DIAPH2: variants seen among roughly 807,000 people sequenced by gnomAD.
DIAPH2 encodes the protein diaphanous related formin 2, also known as protein diaphanous homolog 2.
In DIAPH2, 35 loss-of-function variants were observed where a neutral mutation model predicts 92.7. That is an observed-to-expected ratio of 0.38 (90% CI 0.29 to 0.50). The LOEUF is 0.50. Ranked by LOEUF, DIAPH2 falls within the 20% of genes least tolerant of loss-of-function variation. The pLI is 0.94. For synonymous variants in DIAPH2, 301 were observed against 280.4 expected (o/e 1.07, Z -0.73); for missense variants, 701 against 819.5 (o/e 0.86, Z 1.77).
chrX:97,378,938 TACCA>T lies in DIAPH2; in HGVS notation c.3010-4969_3010-4966del, dbSNP rs200300164. On this transcript the variant is annotated intron_variant, in intron 24 of 26. Transcript: ENST00000324765. ...CACAGTATTCCTCTGGCACCAGAGTTACCAATTTGTTCACCATGACATTTCTAAT... is the reference window on the plus strand; with the variant it reads ...CACAGTATTCCTCTGGCACCAGAGTTATTTGTTCACCATGACATTTCTAAT... Among the ~76,000 whole-genome samples the T allele has an allele frequency of 7.4e-3, 824 of 111,857 alleles. 8 individuals are homozygous for T. Among genetic ancestry groups the T allele is most frequent in the African/African-American group, 0.025 (771 of 30,810 alleles).
chrX:97,115,020 A>T, intron 21 of DIAPH2, 55 bp downstream of exon 21: 1 of 1,058,032 alleles, frequency 9.5e-7, no homozygotes, highest in Non-Finnish European at 1.3e-6. Context: ...TGTCTATGAA[A>T]GGTGATACTG....
At chrX:97,202,511 T>TAAAAAAG (rs2067760812) in intron 22 of DIAPH2, among the ~76,000 whole-genome samples, 1 of 110,745 alleles carries the variant, frequency 9.0e-6, no homozygotes, top group Non-Finnish European at 1.9e-5. Context: ...AAATAAAAAA[T>TAAAAAAG]AAATAGCAGG....
chrX:97,538,687 G>A (rs754010933), intron 26 of DIAPH2, among the ~76,000 whole-genome samples: 4 of 112,289 alleles, frequency 3.6e-5, no homozygotes, highest in Non-Finnish European at 1.9e-5. Flanking sequence ...AATTAAAGAA[G>A]TTGCTAATCA....
At chrX:96,933,362 C>G (rs1300073902) in intron 10 of DIAPH2, among the ~76,000 whole-genome samples, 1 of 106,155 alleles carries the variant, frequency 9.4e-6, no homozygotes, top group Non-Finnish European at 1.9e-5. Flanking sequence ...CAGGGTCTTG[C>G]TCTGTCACTC....
intron 15 of DIAPH2, among the ~76,000 whole-genome samples, chrX:96,952,089 ATTAC>A (rs1569433844): frequency 8.9e-6 from 1 of 111,811 alleles, no homozygotes; most frequent in African/African-American, 3.2e-5. Context: ...TTTTGCCACA[ATTAC>A]TTTTATCTCA....
At chrX:97,117,079 G>A (rs975965689) in intron 21 of DIAPH2, among the ~76,000 whole-genome samples, 13 of 111,572 alleles carry the variant, frequency 1.2e-4, no homozygotes, top group Admixed American at 3.8e-4. Context: ...AAAAGTGAAA[G>A]AAGTGAAGGT....
chrX:97,396,639 A>T (rs371493517), intron 25 of DIAPH2, among the ~76,000 whole-genome samples: 3 of 111,873 alleles, frequency 2.7e-5, no homozygotes, highest in African/African-American at 9.7e-5. Context: ...CTGTCTAAAA[A>T]AAATAAATAA....
chrX:96,798,300 C>CT (rs1015887336), intron 4 of DIAPH2, among the ~76,000 whole-genome samples: 1 of 111,040 alleles, frequency 9.0e-6, no homozygotes, highest in Non-Finnish European at 1.9e-5. Flanking sequence ...TTTTTTTAGC[C>CT]TTTTTTTCCC....
intron 26 of DIAPH2, among the ~76,000 whole-genome samples, chrX:97,463,273 CCTT>C (rs2070475606): frequency 1.4e-5 from 1 of 71,495 alleles, no homozygotes; most frequent in African/African-American, 4.0e-5. Context: ...TTATCTGAAT[CCTT>C]TTTTTTTTTT....
intron 9 of DIAPH2, among the ~76,000 whole-genome samples, chrX:96,922,069 AATTG>A (rs929639745): frequency 1.8e-5 from 2 of 111,267 alleles, no homozygotes; most frequent in African/African-American, 6.5e-5. Context: ...ACCTCGCAGC[AATTG>A]ATTGAGAGAG....
intron 26 of DIAPH2, among the ~76,000 whole-genome samples, chrX:97,584,021 C>A (rs1172566110): frequency 8.9e-6 from 1 of 112,688 alleles, no homozygotes; most frequent in Non-Finnish European, 1.9e-5. Flanking sequence ...AATGCCTCGC[C>A]CTGCTTTGGC....
intron 17 of DIAPH2, among the ~76,000 whole-genome samples, chrX:96,980,084 A>T (rs112422905): frequency 9.0e-6 from 1 of 111,450 alleles, no homozygotes; most frequent in Non-Finnish European, 1.9e-5. Context: ...GCTTATAGCC[A>T]TCTGCAGATG....
intron 22 of DIAPH2, among the ~76,000 whole-genome samples, chrX:97,161,981 C>T (rs937920043): frequency 1.4e-4 from 16 of 111,233 alleles, no homozygotes; most frequent in African/African-American, 4.9e-4. Flanking sequence ...TTCTGTCCTC[C>T]GAAGTTTAAC....
At position 96,980,440 on chromosome X, in the gene DIAPH2, C is replaced by T. The variant is rs182263695; in HGVS notation, c.2050+15233C>T. On this transcript the variant is annotated intron_variant, in intron 17 of 26. Coordinates refer to ENST00000324765, the MANE Select transcript of DIAPH2 (RefSeq NM_006729.5). ...TTCTTCTCATCTCCCTTTCTCTGCT[C>T]TCAGCCAGTGGAACCTAGGGTTTTT... is the stretch of plus-strand genomic sequence containing the variant. Among the ~76,000 whole-genome samples, 86 of 110,963 alleles carry T rather than the reference C, an allele frequency of 7.8e-4. 1 individual carries two copies. Among genetic ancestry groups the T allele is most frequent in the African/African-American group, 2.7e-3 (81 of 30,543 alleles).
Position 96,964,912 on chromosome X carries a change from C to G in DIAPH2, c.1936-181C>G, listed in dbSNP as rs191295077. Reference sequence around the variant, plus strand: ...ATTTCTATTGTTCACCATTTCGTCACATAATTCTGAATTTCCCAATGAATA... The same window carrying G: ...ATTTCTATTGTTCACCATTTCGTCAGATAATTCTGAATTTCCCAATGAATA... On this transcript the variant is annotated intron_variant, in intron 16 of 26. Transcript: ENST00000324765. Among the ~76,000 whole-genome samples the G allele has an allele frequency of 4.9e-4, 55 of 111,679 alleles. No homozygotes were observed. The East Asian group carries it at 0.011, about 23-fold the overall frequency.
At chrX:97,406,974 A>T (rs1343438020) in intron 25 of DIAPH2, among the ~76,000 whole-genome samples, 4 of 111,762 alleles carry the variant, frequency 3.6e-5, no homozygotes, top group Non-Finnish European at 7.5e-5. Context: ...TTTTACATAA[A>T]AAAGAGTAAA....
intron 17 of DIAPH2, among the ~76,000 whole-genome samples, chrX:96,995,866 TA>T (rs1007749401): frequency 9.1e-6 from 1 of 109,791 alleles, no homozygotes; most frequent in African/African-American, 3.3e-5. Flanking sequence ...TAGTTAATAT[TA>T]AAAAAATGTG....
At chrX:96,916,185 A>G (rs938659617) in intron 7 of DIAPH2, among the ~76,000 whole-genome samples, 2 of 110,683 alleles carry the variant, frequency 1.8e-5, no homozygotes, top group East Asian at 2.8e-4. Context: ...TTGTTCCCAT[A>G]TTTCTCCAAA....
chrX:97,114,582 A>T, intron 20 of DIAPH2, 144 bp from the exon 21 acceptor site: 1 of 556,494 alleles, frequency 1.8e-6, no homozygotes, highest in Non-Finnish European at 2.6e-6. Context: ...TGGAATGTTT[A>T]AAACAAAAAA....
Sources: gnomAD v4.1 joint callset for allele counts (sites outside exome capture counted in the v4.1 genomes callset) on GRCh38, gnomAD v4.1.1 for gene constraint, MANE v1.5 for transcripts, NCBI Gene and HGNC (gene_info 2026-07-23, HGNC 2026-07-21) for gene names.